The following NCOA3 variants were observed in gnomAD, a reference collection of about 807,000 sequenced individuals.
NCOA3 encodes nuclear receptor coactivator 3.
In NCOA3, 51 loss-of-function variants were observed where a neutral mutation model predicts 158.8. The ratio of observed to expected loss-of-function variants is 0.32; its 90% CI spans 0.26 to 0.41. The LOEUF (loss-of-function observed/expected upper bound fraction) is 0.41. Among genes scored for constraint, NCOA3 ranks in the 10% least tolerant of loss-of-function variants. The pLI is 1.00. For synonymous variants in NCOA3, 537 were observed against 592.4 expected, an observed-to-expected ratio of 0.91 and a Z score of 1.36; for missense variants, 1,510 against 1,746.6, an observed-to-expected ratio of 0.86 and a Z score of 2.41.
At chr20:47,553,254 C>T (rs1316679501) in intron 1 of NCOA3, among the ~76,000 whole-genome samples, 2 of 152,010 alleles carry the variant, frequency 1.3e-5, no homozygotes, top group Admixed American at 6.6e-5. Context: ...GGTCTTTTGG[C>T]TAATTAGAAT....
At chr20:47,583,443 G>GT (rs981577739) in intron 2 of NCOA3, among the ~76,000 whole-genome samples, 182 bp downstream of exon 2, 3 of 151,696 alleles carry the variant, frequency 2.0e-5, no homozygotes, top group African/African-American at 7.3e-5. Flanking sequence ...TGTATGTACA[G>GT]TTGGCCCTTG....
At position 47,653,089 on chromosome 20, in the gene NCOA3, T is replaced by G. The variant is rs1485282654; in HGVS notation, c.4263+17T>G. The G allele has an allele frequency of 1.2e-6, 2 of 1,612,910 alleles. No homozygotes were observed. The highest frequency in any genetic ancestry group is 8.5e-7 in the Non-Finnish European group (1 of 1,179,364). ...CCTGATCAGGTATGGGATCGATTCC[T>G]TACCTTTTTCAAAAAGTTTTTCTTG... On this transcript the variant is annotated intron_variant, in intron 22 of 22. Transcript: ENST00000371998.
intron 20 of NCOA3, 78 bp from the exon 21 acceptor site, chr20:47,652,323 AAAAAC>A: frequency 7.4e-7 from 1 of 1,359,412 alleles, no homozygotes; most frequent in Non-Finnish European, 1.0e-6. Context: ...CCTTTAAAAA[AAAAAC>A]AAAATTACTA....
At chr20:47,555,797 C>A (rs1454802586) in intron 1 of NCOA3, among the ~76,000 whole-genome samples, 1 of 151,446 alleles carries the variant, frequency 6.6e-6, no homozygotes, top group Non-Finnish European at 1.5e-5. Context: ...TGCCACCATG[C>A]CCGGCTGATT....
chr20:47,515,631 T>C (rs1390170278), intron 1 of NCOA3, among the ~76,000 whole-genome samples: 1 of 151,932 alleles, frequency 6.6e-6, no homozygotes, highest in Admixed American at 6.6e-5. Flanking sequence ...ACTAGAGGCA[T>C]GCACCACCAC....
intron 1 of NCOA3, among the ~76,000 whole-genome samples, chr20:47,526,711 G>C (rs2146097083): frequency 6.6e-6 from 1 of 152,336 alleles, no homozygotes; most frequent in South Asian, 2.1e-4. Context: ...GATGGCAGCA[G>C]TACCGTCCAG....
intron 1 of NCOA3, among the ~76,000 whole-genome samples, chr20:47,513,721 CAAAAAAAA>C (rs140204780): frequency 2.4e-5 from 2 of 82,690 alleles, no homozygotes; most frequent in African/African-American, 4.3e-5. Context: ...GACTCTGTCT[CAAAAAAAA>C]AAAAAAAAAA....
chr20:47,601,832 TCTCTG>T (rs1398018959), intron 2 of NCOA3, among the ~76,000 whole-genome samples: 2 of 152,226 alleles, frequency 1.3e-5, no homozygotes, highest in Non-Finnish European at 2.9e-5. Flanking sequence ...GTTTTCTGGG[TCTCTG>T]CTCTGTGAAA....
intron 8 of NCOA3, among the ~76,000 whole-genome samples, chr20:47,629,802 C>G (rs1350010685): frequency 2.0e-5 from 3 of 152,146 alleles, no homozygotes; most frequent in African/African-American, 7.2e-5. Context: ...ACATTTGCTA[C>G]TGAAGATACT....
chr20:47,639,561 T>C lies in NCOA3; in HGVS notation c.2708-16T>C, dbSNP rs1222230645. 6.2e-7 allele frequency: 1 copy of C among 1,612,246 alleles called. No individual in the cohort carries two copies. Among genetic ancestry groups the C allele is most frequent in the South Asian group, 1.1e-5 (1 of 90,998 alleles). ...TTATAATATGGAAAAGACCTAAGTA[T>C]GGCTACCTGTTTTAGGTGGGCCAAA... On this transcript the variant is annotated splice_polypyrimidine_tract_variant and intron_variant, in intron 14 of 22. Coordinates refer to ENST00000371998, the MANE Select transcript of NCOA3 (RefSeq NM_181659.3).
intron 1 of NCOA3, among the ~76,000 whole-genome samples, chr20:47,506,128 C>T (rs1371988317): frequency 2.0e-5 from 3 of 151,988 alleles, no homozygotes; most frequent in Non-Finnish European, 4.4e-5. Flanking sequence ...TTTATGAGTG[C>T]TTCTTGGGGT....
At chr20:47,531,324 C>T (rs1412295149) in intron 1 of NCOA3, among the ~76,000 whole-genome samples, 3 of 146,582 alleles carry the variant, frequency 2.0e-5, no homozygotes, top group Non-Finnish European at 3.0e-5. Context: ...GCCTGGGCGA[C>T]GGAGCGAGAC....
chr20:47,503,814 G>A (rs1264382371), intron 1 of NCOA3, among the ~76,000 whole-genome samples: 1 of 152,104 alleles, frequency 6.6e-6, no homozygotes. Flanking sequence ...GAACACTATA[G>A]CTCCTGTCAC....
chr20:47,555,399 T>C (rs1293585671), intron 1 of NCOA3, among the ~76,000 whole-genome samples: 2 of 152,194 alleles, frequency 1.3e-5, no homozygotes, highest in African/African-American at 2.4e-5. Context: ...TGTGTGAACT[T>C]GGTTAAGTCA....
At chr20:47,592,990 G>A (rs148843648) in intron 2 of NCOA3, among the ~76,000 whole-genome samples, 583 of 152,274 alleles carry the variant, frequency 3.8e-3, no homozygotes, top group Non-Finnish European at 5.1e-3. Flanking sequence ...CTGGAGTGCA[G>A]TAGTGTGATC....
intron 2 of NCOA3, among the ~76,000 whole-genome samples, chr20:47,605,547 CTTTCA>C: frequency 6.6e-6 from 1 of 152,024 alleles, no homozygotes; most frequent in African/African-American, 2.4e-5. Flanking sequence ...TTTCACCTTC[CTTTCA>C]TGAGTTTTTT....
chr20:47,620,739 GT>G (rs1455458901), intron 2 of NCOA3, among the ~76,000 whole-genome samples: 1 of 152,152 alleles, frequency 6.6e-6, no homozygotes, highest in East Asian at 1.9e-4. Flanking sequence ...CAACTTAAGT[GT>G]ATTAATATTG....
intron 1 of NCOA3, among the ~76,000 whole-genome samples, chr20:47,531,243 G>A (rs1306009542): frequency 6.6e-6 from 1 of 152,126 alleles, no homozygotes; most frequent in Non-Finnish European, 1.5e-5. Flanking sequence ...GGAGGCTGAG[G>A]CAGAAGAATC....
intron 1 of NCOA3, among the ~76,000 whole-genome samples, chr20:47,549,221 T>A (rs2084890098): frequency 6.6e-6 from 1 of 151,904 alleles, no homozygotes; most frequent in Non-Finnish European, 1.5e-5. Flanking sequence ...GTATTAACTT[T>A]GTAATAAAAA....
Sources: allele counts gnomAD v4.1 joint callset (sites outside exome capture counted in the v4.1 genomes callset), GRCh38; gene constraint gnomAD v4.1.1; transcripts MANE v1.5; gene names NCBI Gene and HGNC (gene_info 2026-07-23, HGNC 2026-07-21).